The following CADPS variants were observed in gnomAD, a reference collection of about 807,000 sequenced individuals.
CADPS encodes the protein calcium-dependent secretion activator 1.
In CADPS, 57 loss-of-function variants were observed where a neutral mutation model predicts 167.3. The ratio of observed to expected loss-of-function variants is 0.34; its 90% confidence interval spans 0.28 to 0.42. The LOEUF (loss-of-function observed/expected upper bound fraction) is 0.42. CADPS is among the 20% of genes least tolerant of loss of function. The pLI is 1.00. For synonymous variants in CADPS, 676 were observed against 635.3 expected (o/e 1.06, Z -0.96); for missense variants, 1,414 against 1,738.1 (o/e 0.81, Z 3.32).
intron 6 of CADPS, among the ~76,000 whole-genome samples, chr3:62,631,109 TACACAC>T (rs4019273): frequency 3.3e-5 from 5 of 149,316 alleles, no homozygotes; most frequent in Admixed American, 6.7e-5. Context: ...ATCTGTATAA[TACACAC>T]ACACACACAC....
At chr3:62,470,209 T>G (rs886911649) in intron 24 of CADPS, among the ~76,000 whole-genome samples, 1 of 152,196 alleles carries the variant, frequency 6.6e-6, no homozygotes. Context: ...TATTACCCAA[T>G]GATGAAATCC....
intron 2 of CADPS, among the ~76,000 whole-genome samples, chr3:62,763,051 C>T (rs1252284830): frequency 6.6e-6 from 1 of 152,102 alleles, no homozygotes; most frequent in Non-Finnish European, 1.5e-5. Context: ...TAAAAAGCAG[C>T]CTAACGGTTT....
At chr3:62,484,881 G>C (rs2062571984) in intron 21 of CADPS, among the ~76,000 whole-genome samples, 1 of 152,152 alleles carries the variant, frequency 6.6e-6, no homozygotes, top group Non-Finnish European at 1.5e-5. Flanking sequence ...GTTGTTGCAT[G>C]CATATATGTA....
intron 8 of CADPS, among the ~76,000 whole-genome samples, chr3:62,571,885 A>G (rs554116560): frequency 3.2e-4 from 49 of 152,256 alleles, no homozygotes; most frequent in Admixed American, 1.4e-3. Flanking sequence ...TTACTAATCA[A>G]TTCATGTATT....
chr3:62,851,746 A>G (rs1289018400), intron 1 of CADPS, among the ~76,000 whole-genome samples: 1 of 146,996 alleles, frequency 6.8e-6, no homozygotes, highest in Non-Finnish European at 1.5e-5. Flanking sequence ...TCTGACAATT[A>G]TGTGTCTTGG....
intron 6 of CADPS, among the ~76,000 whole-genome samples, chr3:62,640,743 T>C (rs1391852683): frequency 6.6e-6 from 1 of 152,212 alleles, no homozygotes; most frequent in Non-Finnish European, 1.5e-5. Flanking sequence ...TAGAATATAA[T>C]TTCAGATACA....
intron 28 of CADPS, among the ~76,000 whole-genome samples, chr3:62,423,768 C>A (rs956794695): frequency 6.6e-6 from 1 of 152,164 alleles, no homozygotes; most frequent in South Asian, 2.1e-4. Flanking sequence ...AATATTGGCT[C>A]TCATTGGCCT....
intron 1 of CADPS, among the ~76,000 whole-genome samples, chr3:62,767,909 G>A (rs565199342): frequency 3.3e-5 from 5 of 152,128 alleles, no homozygotes; most frequent in South Asian, 2.1e-4. Context: ...GACAGTTTAC[G>A]TTTAAAAAAT....
chr3:62,715,346 G>T (rs2084249805), intron 3 of CADPS, among the ~76,000 whole-genome samples: 1 of 135,424 alleles, frequency 7.4e-6, no homozygotes, highest in African/African-American at 2.8e-5. Flanking sequence ...TTGCCATGTT[G>T]GCCAGCCCTA....
intron 6 of CADPS, among the ~76,000 whole-genome samples, chr3:62,640,517 G>C (rs1158468618): frequency 6.6e-6 from 1 of 152,182 alleles, no homozygotes; most frequent in East Asian, 1.9e-4. Context: ...CTCATCAGAT[G>C]AGATGTCATT....
chr3:62,756,229 CATT>C (rs1381563949), intron 2 of CADPS, among the ~76,000 whole-genome samples: 1 of 151,878 alleles, frequency 6.6e-6, no homozygotes, highest in Non-Finnish European at 1.5e-5. Flanking sequence ...ATTTTTGTAT[CATT>C]ATTATGTTTT....
chr3:62,718,686 A>T (rs1298090216), intron 3 of CADPS, among the ~76,000 whole-genome samples: 1 of 152,210 alleles, frequency 6.6e-6, no homozygotes, highest in Non-Finnish European at 1.5e-5. Flanking sequence ...TAAGGAGATG[A>T]CACATTCTAA....
chr3:62,480,175 T>C (rs1232639858), intron 22 of CADPS, among the ~76,000 whole-genome samples: 1 of 152,198 alleles, frequency 6.6e-6, no homozygotes, highest in Non-Finnish European at 1.5e-5. Flanking sequence ...ATTATTTTGA[T>C]TGCTGAGCAG....
At chr3:62,483,602 G>A (rs1336166595) in intron 21 of CADPS, among the ~76,000 whole-genome samples, 1 of 152,126 alleles carries the variant, frequency 6.6e-6, no homozygotes. Flanking sequence ...TTTTGGGAAA[G>A]CCAATTATAC....
rs530244647 is a variant in CADPS, at chr3:62,399,116, T to C, written c.*290A>G. On this transcript the variant is annotated 3_prime_UTR_variant, in exon 30 of 30. Coordinates refer to ENST00000383710, the MANE Select transcript of CADPS (RefSeq NM_003716.4). This position sits in a 1 kb window ranked among gnomAD's most constrained non-coding sequence, Gnocchi z 5.6. ...ACATGAATGAAGCATCATTGATCTT[T>C]GCTGATAACAGGGACACGCCTAGTG... 10 of 301,634 alleles carry C rather than the reference T, an allele frequency of 3.3e-5. No individual in the cohort carries two copies. Among genetic ancestry groups the C allele is most frequent in the Non-Finnish European group, 6.3e-5 (10 of 159,538 alleles). 18.7% of individuals were successfully genotyped at this position (301,634 alleles called of 1,614,324 possible). A position where few individuals can be genotyped will look rare whatever the true frequency, so the allele number is the denominator to read the frequency against.
chr3:62,626,293 T>C, intron 6 of CADPS: 1 of 446,822 alleles, frequency 2.2e-6, no homozygotes, highest in Non-Finnish European at 4.0e-6. Flanking sequence ...TTCAACAACA[T>C]TACTAATTCC....
chr3:62,610,201 T>TTTCCTTTCCC (rs2061312897), intron 6 of CADPS, among the ~76,000 whole-genome samples: 2 of 151,962 alleles, frequency 1.3e-5, no homozygotes. Context: ...TTTCTTTTCC[T>TTTCCTTTCCC]TTCCTTTCCC....
At chr3:62,669,070 T>G (rs1473664858) in intron 3 of CADPS, among the ~76,000 whole-genome samples, 1 of 152,192 alleles carries the variant, frequency 6.6e-6, no homozygotes, top group African/African-American at 2.4e-5. Context: ...TTCCTTATTC[T>G]GGGAATTGGG....
At chr3:62,620,706 T>C (rs976651999) in intron 6 of CADPS, among the ~76,000 whole-genome samples, 1 of 152,218 alleles carries the variant, frequency 6.6e-6, no homozygotes, top group African/African-American at 2.4e-5. Context: ...CTAGTATAGC[T>C]GTCCTTGCTT....
Sources: allele counts gnomAD v4.1 joint callset (sites outside exome capture counted in the v4.1 genomes callset), GRCh38; gene constraint gnomAD v4.1.1; non-coding constraint Gnocchi (gnomAD v3.1); transcripts MANE v1.5; gene names NCBI Gene and HGNC (gene_info 2026-07-23, HGNC 2026-07-21).